The following CNTNAP3B variants were observed in gnomAD, a reference collection of about 807,000 sequenced individuals.
CNTNAP3B encodes the protein contactin-associated protein-like 3B.
Under a neutral mutation model 108.9 loss-of-function variants are expected in CNTNAP3B, and 25 were observed. That is an observed-to-expected ratio of 0.23 (90% CI 0.17 to 0.32). The LOEUF (loss-of-function observed/expected upper bound fraction) is 0.32, where lower values mean the gene tolerates loss of function less well. Ranked by LOEUF, CNTNAP3B falls within the 10% of genes least tolerant of loss-of-function variation. The pLI is 1.00. For missense variants in CNTNAP3B, 252 were observed against 1,210.4 expected, an observed-to-expected ratio of 0.21 and a Z score of 11.75; for synonymous variants, 103 against 473.4, an observed-to-expected ratio of 0.22 and a Z score of 10.16.
intron 14 of CNTNAP3B, among the ~76,000 whole-genome samples, chr9:41,934,218 CTT>C (rs760498324): frequency 4.6e-3 from 541 of 118,788 alleles, no homozygotes; most frequent in East Asian, 0.015. Flanking sequence ...CACACACATA[CTT>C]TTTTTTTTTT....
At chr9:42,115,868 T>C (rs1193880215) in intron 1 of CNTNAP3B, among the ~76,000 whole-genome samples, 9 of 123,512 alleles carry the variant, frequency 7.3e-5, no homozygotes, top group Non-Finnish European at 8.4e-5. Flanking sequence ...GGAGAATGAC[T>C]TTGACGAGTT....
At position 41,945,518 on chromosome 9, in the gene CNTNAP3B, A is replaced by C. The variant is rs1824506836; in HGVS notation, c.2081-7118T>G. On this transcript the variant is annotated intron_variant, in intron 13 of 23. Coordinates refer to ENST00000377561, the MANE Select transcript of CNTNAP3B (RefSeq NM_001201380.3). ...ATTCTCAGCAAACTATCGCAAGGAC[A>C]AAAAACCAAACACTGCATGTTCTCA... Among the ~76,000 whole-genome samples the C allele has an allele frequency of 4.6e-5, 7 of 152,204 alleles. No individual in the cohort carries two copies. In the South Asian group the frequency reaches 1.4e-3, roughly 32 times the overall value.
At chr9:42,082,839 A>G (rs1200617883) in intron 2 of CNTNAP3B, among the ~76,000 whole-genome samples, 1 of 141,682 alleles carries the variant, frequency 7.1e-6, no homozygotes, top group African/African-American at 2.8e-5. Flanking sequence ...AAAATTAATC[A>G]TATAAACAAT....
intron 12 of CNTNAP3B, chr9:41,960,275 G>T: frequency 5.9e-6 from 1 of 169,648 alleles, no homozygotes; most frequent in South Asian, 1.4e-4. Flanking sequence ...TGAGATTACA[G>T]GCGTGAGCCA....
intron 10 of CNTNAP3B, among the ~76,000 whole-genome samples, chr9:41,969,226 C>T (rs571632161): frequency 6.6e-6 from 1 of 151,154 alleles, no homozygotes; most frequent in East Asian, 1.9e-4. Flanking sequence ...TCTTCTCAGC[C>T]AAAATCTTTG....
At chr9:42,042,888 C>T (rs1253331891) in intron 3 of CNTNAP3B, among the ~76,000 whole-genome samples, 1 of 141,250 alleles carries the variant, frequency 7.1e-6, no homozygotes. Context: ...TCCTCTAGGC[C>T]ACAGAAACTA....
intron 12 of CNTNAP3B, chr9:41,960,260 A>G (rs1825036494): frequency 6.1e-6 from 1 of 165,078 alleles, no homozygotes; most frequent in Non-Finnish European, 1.3e-5. Flanking sequence ...GGCCTCCCAA[A>G]GTGCTGAGAT....
chr9:42,043,888 TTA>T lies in CNTNAP3B; in HGVS notation c.391-30365_391-30364del, dbSNP rs1279397263. Among the ~76,000 whole-genome samples the T allele has an allele frequency of 3.0e-5, 3 of 98,782 alleles. 1 individual carries two copies. The highest frequency in any genetic ancestry group is 6.5e-5 in the Non-Finnish European group (3 of 46,316). The allele number at this position is 98,782 out of a possible 152,430, so 64.8% of individuals were successfully genotyped here. On this transcript the variant is annotated intron_variant, in intron 3 of 23. Transcript: ENST00000377561. The stretch of plus-strand genomic sequence containing the variant: ...TTTCCATAGTTTCAATTACCTGTGG[TTA>T]ATCACAGCCTGAAAATATTAAATAG...
intron 13 of CNTNAP3B, among the ~76,000 whole-genome samples, chr9:41,945,805 A>C (rs1390378253): frequency 6.6e-6 from 1 of 152,270 alleles, no homozygotes; most frequent in Non-Finnish European, 1.5e-5. Flanking sequence ...GTGAACAACA[A>C]CAACAAAACC....
chr9:41,920,695 T>G, intron 17 of CNTNAP3B, among the ~76,000 whole-genome samples: 1 of 152,298 alleles, frequency 6.6e-6, no homozygotes, highest in East Asian at 1.9e-4. Context: ...TTTTAATTTC[T>G]TTATGAATAA....
chr9:41,964,809 T>C (rs1274667297), intron 10 of CNTNAP3B, among the ~76,000 whole-genome samples, 165 bp from the exon 11 acceptor site: 9 of 152,254 alleles, frequency 5.9e-5, no homozygotes, highest in African/African-American at 2.2e-4. Flanking sequence ...TGACAAACTT[T>C]AGATAAATAT....
Position 42,098,417 on chromosome 9 carries a change from C to CA in CNTNAP3B, c.196+6211dup, listed in dbSNP as rs375793085. 5.7e-3 allele frequency among the ~76,000 whole-genome samples: 547 copies of CA among 96,110 alleles called. 87 individuals are homozygous for CA. The highest frequency in any genetic ancestry group is 0.02 in the African/African-American group (445 of 21,800). 63.1% of individuals were successfully genotyped at this position (96,110 alleles called of 152,430 possible). A position where few individuals can be genotyped will look rare whatever the true frequency, so the allele number is the denominator to read the frequency against. Reference sequence around the variant, plus strand: ...TGAAACCCCTTCTCTACTAAAAATACAAAAAAAAAAAAAAAATTAGCCGGG... The same window carrying CA: ...TGAAACCCCTTCTCTACTAAAAATACAAAAAAAAAAAAAAAAATTAGCCGGG... On this transcript the variant is annotated intron_variant, in intron 2 of 23. Coordinates refer to ENST00000377561, the MANE Select transcript of CNTNAP3B (RefSeq NM_001201380.3).
chr9:42,095,083 T>C (rs1473350116), intron 2 of CNTNAP3B, among the ~76,000 whole-genome samples: 4 of 135,978 alleles, frequency 2.9e-5, no homozygotes, highest in Non-Finnish European at 4.7e-5. Context: ...TTATTAACTC[T>C]ATTCACTATG....
At chr9:41,967,044 C>T (rs1237329500) in intron 10 of CNTNAP3B, among the ~76,000 whole-genome samples, 3 of 149,924 alleles carry the variant, frequency 2.0e-5, no homozygotes, top group African/African-American at 5.0e-5. Flanking sequence ...GTGCCCATTG[C>T]TATTTTTTGC....
intron 3 of CNTNAP3B, among the ~76,000 whole-genome samples, chr9:42,036,656 T>TA (rs1291009707): frequency 7.4e-6 from 1 of 135,110 alleles, no homozygotes; most frequent in African/African-American, 3.0e-5. Context: ...CAGAAACTTC[T>TA]ACAGACTTAA....
At chr9:41,989,932 T>G (rs1458952644) in intron 8 of CNTNAP3B, among the ~76,000 whole-genome samples, 1 of 144,216 alleles carries the variant, frequency 6.9e-6, no homozygotes, top group African/African-American at 2.7e-5. Context: ...GGAGTGTGCC[T>G]CCCCAATCAC....
intron 15 of CNTNAP3B, among the ~76,000 whole-genome samples, chr9:41,924,657 A>G (rs1384102620): frequency 0.086 from 5,390 of 62,852 alleles, 26 homozygotes; most frequent in Admixed American, 0.13. Flanking sequence ...ACACACACAC[A>G]CACACACACA....
At position 42,077,528 on chromosome 9, in the gene CNTNAP3B, G is replaced by T. The variant is rs1159289920; in HGVS notation, c.197-466C>A. Among the ~76,000 whole-genome samples, 7 of 133,052 alleles carry T rather than the reference G, an allele frequency of 5.3e-5. 2 individuals are homozygous for T. The highest frequency in any genetic ancestry group is 2.1e-4 in the African/African-American group (7 of 33,244). 87.3% of individuals were successfully genotyped at this position (133,052 alleles called of 152,430 possible). On this transcript the variant is annotated intron_variant, in intron 2 of 23. Transcript: ENST00000377561. Reference sequence around the variant, plus strand: ...TGTAAAAGAAGAGTTAAAACATAGAGTGCTTTGTGAGGCAATCCCACTTAC... The same window carrying T: ...TGTAAAAGAAGAGTTAAAACATAGATTGCTTTGTGAGGCAATCCCACTTAC...
intron 14 of CNTNAP3B, among the ~76,000 whole-genome samples, chr9:41,933,628 G>A (rs1345398170): frequency 6.6e-6 from 1 of 152,284 alleles, no homozygotes; most frequent in Non-Finnish European, 1.5e-5. Flanking sequence ...CATAAATTCA[G>A]CAAACTTACT....
Sources: allele counts gnomAD v4.1 joint callset (sites outside exome capture counted in the v4.1 genomes callset), GRCh38; gene constraint gnomAD v4.1.1; transcripts MANE v1.5; gene names NCBI Gene and HGNC (gene_info 2026-07-23, HGNC 2026-07-21).